Variants in TNK2 observed in about 807,000 individuals in gnomAD.
TNK2 encodes activated CDC42 kinase 1.
Under a neutral mutation model 101.8 loss-of-function variants are expected in TNK2, and 83 were observed. That is an observed-to-expected ratio of 0.82 (90% CI 0.68 to 0.98). TNK2 has a LOEUF of 0.98. TNK2 is among the 50% of genes least tolerant of loss of function. The pLI, the probability that TNK2 is intolerant of heterozygous loss-of-function variation, is 0.00. For missense variants in TNK2, 1,665 were observed against 1,483.2 expected (o/e 1.12, Z -2.01); for synonymous variants, 804 against 633.0 (o/e 1.27, Z -4.06).
chr3:195,887,055 G>A lies in TNK2; in HGVS notation c.164-8C>T. 1 of 1,613,578 alleles carries A rather than the reference G, an allele frequency of 6.2e-7. No homozygotes were observed. Among genetic ancestry groups the A allele is most frequent in the Admixed American group, 1.7e-5 (1 of 59,960 alleles). ...CCCACAGCCGCCGCTGGCCTGCAGG[G>A]AGAGCGGGGAACCGCGTGCTGTGAA... On this transcript the variant is annotated splice_region_variant and splice_polypyrimidine_tract_variant and intron_variant, in intron 2 of 15. Coordinates refer to ENST00000672887, the MANE Select transcript of TNK2 (RefSeq NM_001382273.1).
In TNK2 at chr3:195,892,319, C is replaced by T. The variant is rs377669867; in HGVS notation, c.-18-3713G>A. ...GCCCTCACTGGCGGGGTCCCTCAGC[C>T]GCTCCCAGTCTTGCTTTCTGCCTCT... is the stretch of plus-strand genomic sequence containing the variant. On this transcript the variant is annotated intron_variant, in intron 1 of 15. Coordinates refer to ENST00000672887, the MANE Select transcript of TNK2 (RefSeq NM_001382273.1). The T allele has an allele frequency of 3.6e-5, 47 of 1,306,450 alleles. 1 individual carries two copies. In the African/African-American group the frequency reaches 4.1e-4, roughly 12 times the overall value. The allele number at this position is 1,306,450 out of a possible 1,614,324, so 80.9% of individuals were successfully genotyped here. A position where few individuals can be genotyped will look rare whatever the true frequency, so the allele number is the denominator to read the frequency against.
intron 1 of TNK2, chr3:195,895,109 C>T (rs1189914148): frequency 1.3e-6 from 1 of 798,032 alleles, no homozygotes. Flanking sequence ...ATAAACACAC[C>T]GCTCTCTGTC....
intron 4 of TNK2, chr3:195,883,757 G>C (rs1183932279): frequency 6.3e-6 from 1 of 158,516 alleles, no homozygotes; most frequent in South Asian, 1.9e-4. Context: ...TGGGATTACA[G>C]GCAGGTGCCA....
At chr3:195,898,566 G>T (rs1029744253) in intron 1 of TNK2, among the ~76,000 whole-genome samples, 7 of 152,126 alleles carry the variant, frequency 4.6e-5, no homozygotes, top group Non-Finnish European at 8.8e-5. Flanking sequence ...CCCTTCAAAT[G>T]TCTCTATGTC....
intron 1 of TNK2, among the ~76,000 whole-genome samples, chr3:195,905,735 G>A (rs1189080920): frequency 6.6e-6 from 1 of 152,120 alleles, no homozygotes; most frequent in Non-Finnish European, 1.5e-5. Flanking sequence ...TTTGGGTCAG[G>A]CAAAGATTTC....
chr3:195,866,282 C>A (rs1212036761), intron 15 of TNK2, among the ~76,000 whole-genome samples: 8 of 152,032 alleles, frequency 5.3e-5, no homozygotes, highest in Non-Finnish European at 1.2e-4. Flanking sequence ...CTCACAGCAA[C>A]CTCCGCCTCC....
intron 1 of TNK2, among the ~76,000 whole-genome samples, chr3:195,900,713 G>C (rs564639606): frequency 1.3e-5 from 2 of 152,232 alleles, no homozygotes; most frequent in Non-Finnish European, 2.9e-5. Context: ...GCCAGGACAC[G>C]AGTGCCGCAG....
In TNK2 at chr3:195,878,217, C is replaced by A; in HGVS notation, c.1256+36G>T. The A allele has an allele frequency of 6.2e-7, 1 of 1,606,484 alleles. No individual in the cohort carries two copies. The highest frequency in any genetic ancestry group is 8.5e-7 in the Non-Finnish European group (1 of 1,173,304). ...GTCCCTCCGACCTGTGCCCTTCAAG[C>A]GATCCCAGGGCGGGGCCCAGCCCTG... On this transcript the variant is annotated intron_variant, in intron 9 of 15. Coordinates refer to ENST00000672887, the MANE Select transcript of TNK2 (RefSeq NM_001382273.1). This position sits in a 1 kb window ranked among gnomAD's most constrained non-coding sequence, Gnocchi z 4.7.
intron 1 of TNK2, chr3:195,895,748 A>C: frequency 5.9e-6 from 2 of 341,250 alleles, no homozygotes; most frequent in Admixed American, 5.3e-5. Flanking sequence ...TATTCACGGT[A>C]AGGGGCCATC....
intron 1 of TNK2, among the ~76,000 whole-genome samples, chr3:195,898,242 C>CCGCCTCAGACTTCCTCCCAA (rs1760850514): frequency 6.6e-6 from 1 of 152,190 alleles, no homozygotes; most frequent in South Asian, 2.1e-4. Flanking sequence ...GCTGCTTCAA[C>CCGCCTCAGACTTCCTCCCAA]CGCCTCAGAC....
Position 195,878,877 on chromosome 3 carries a change from G to A in TNK2, c.1014+172C>T, listed in dbSNP as rs529886898. 4.6e-5 allele frequency among the ~76,000 whole-genome samples: 7 copies of A among 152,318 alleles called. No individual in the cohort carries two copies. The highest frequency in any genetic ancestry group is 4.1e-4 in the South Asian group (2 of 4,830). On this transcript the variant is annotated intron_variant, in intron 7 of 15. Transcript: ENST00000672887. This position sits in a 1 kb window ranked among gnomAD's most constrained non-coding sequence, Gnocchi z 4.7. ...GCTCTCCCTGAGGCCATACAGATAC[G>A]GGGCGTGAGAGGAGACACGGGGCGT...
In TNK2 at chr3:195,870,129, G is replaced by C. The variant is rs199636920; in HGVS notation, c.1528C>G (p.Leu510Val). 3,766 of 1,462,468 alleles carry C rather than the reference G, an allele frequency of 2.6e-3. 12 individuals carry two copies. The highest frequency in any genetic ancestry group is 0.01 in the Middle Eastern group (57 of 5,512). The allele number at this position is 1,462,468 out of a possible 1,614,324, so 90.6% of individuals were successfully genotyped here. ...GGGCTCTTACTTTTCACCCCTCCTA[G>C]ATGCTGGGGGGGCCGGGAGGTGCTC... ...ELSTSRPPQH[L>V]GGVKREPPPR... The change falls in exon 11 of 16, where the codon CTA (leucine) becomes GTA (valine). Residue 510 changes from leucine (L) to valine (V), a missense_variant. Physicochemically the swap from Leu to Val is conservative, Grantham distance 32. Transcript: ENST00000672887.
rs1419645433 is a variant in TNK2, at chr3:195,888,259, A to AT, written c.163+166dup. 6.6e-6 allele frequency among the ~76,000 whole-genome samples: 1 copy of AT among 152,112 alleles called. No homozygotes were observed. Among genetic ancestry groups the AT allele is most frequent in the African/African-American group, 2.4e-5 (1 of 41,420 alleles). ...TCTCCTCAAACTCCAATTCACCTTT[A>AT]TAACTGCCAACTGTTCTCATCACAC... On this transcript the variant is annotated intron_variant, in intron 2 of 15. Coordinates refer to ENST00000672887, the MANE Select transcript of TNK2 (RefSeq NM_001382273.1). This position sits in a 1 kb window ranked among gnomAD's most constrained non-coding sequence, Gnocchi z 5.3.
chr3:195,885,846 G>A lies in TNK2; in HGVS notation c.235-813C>T. 3.1e-6 allele frequency: 1 copy of A among 322,648 alleles called. No homozygotes were observed. Among genetic ancestry groups the A allele is most frequent in the Non-Finnish European group, 6.2e-6 (1 of 162,272 alleles). 20.0% of individuals were successfully genotyped at this position (322,648 alleles called of 1,614,324 possible). ...CCTTGGCTCCAGATTGCAGATTCTT[G>A]CCAGCTTGGGTCTCACGCCCCCAGA... On this transcript the variant is annotated intron_variant, in intron 3 of 15. Coordinates refer to ENST00000672887, the MANE Select transcript of TNK2 (RefSeq NM_001382273.1). The surrounding 1 kb of genome is among the most constrained non-coding windows in gnomAD (Gnocchi z 4.7).
chr3:195,898,630 TTTTTTG>T (rs1482472256), intron 1 of TNK2, among the ~76,000 whole-genome samples: 14 of 150,940 alleles, frequency 9.3e-5, no homozygotes, highest in African/African-American at 1.7e-4. Context: ...GTTCTTCTTG[TTTTTTG>T]TTTTTAAGAG....
rs1402176274 is a variant in TNK2 at position 195,885,091 on chromosome 3, G to A, written c.235-58C>T. On this transcript the variant is annotated intron_variant, in intron 3 of 15. Coordinates refer to ENST00000672887, the MANE Select transcript of TNK2 (RefSeq NM_001382273.1). The surrounding 1 kb of genome is among the most constrained non-coding windows in gnomAD (Gnocchi z 4.7). ...CCAACACCCCAGGGTCAGTCACTCA[G>A]TCCCACCCCGCTGGGTCCACCTGGT... 10 of 1,482,744 alleles carry A rather than the reference G, an allele frequency of 6.7e-6. No individual in the cohort carries two copies. Among genetic ancestry groups the A allele is most frequent in the African/African-American group, 5.6e-5 (4 of 71,164 alleles). The allele number at this position is 1,482,744 out of a possible 1,614,324, so 91.8% of individuals were successfully genotyped here. A position where few individuals can be genotyped will look rare whatever the true frequency, so the allele number is the denominator to read the frequency against.
At chr3:195,904,025 T>C (rs894673740) in intron 1 of TNK2, among the ~76,000 whole-genome samples, 3 of 151,722 alleles carry the variant, frequency 2.0e-5, no homozygotes, top group African/African-American at 7.3e-5. Context: ...AGCCAAAAGG[T>C]GAAAGCCGCT....
At chr3:195,883,419 T>C in intron 4 of TNK2, 110 bp from the exon 5 acceptor site, 1 of 1,332,900 alleles carries the variant, frequency 7.5e-7, no homozygotes, top group Non-Finnish European at 1.0e-6. Flanking sequence ...TGTGAGCTCC[T>C]CATCTGGGTG....
intron 11 of TNK2, 88 bp downstream of exon 11, chr3:195,870,026 A>C: frequency 9.4e-7 from 1 of 1,065,382 alleles, no homozygotes; most frequent in East Asian, 2.7e-5. Flanking sequence ...CAAAAACAGA[A>C]CAGCAGCCTT....
Sources: gnomAD v4.1 joint callset for allele counts (sites outside exome capture counted in the v4.1 genomes callset) on GRCh38, gnomAD v4.1.1 for gene constraint, Gnocchi (gnomAD v3.1) non-coding constraint, MANE v1.5 for transcripts, NCBI Gene and HGNC (gene_info 2026-07-23, HGNC 2026-07-21) for gene names.